GPR158: variants seen among roughly 807,000 people sequenced by gnomAD.
GPR158 encodes G protein-coupled receptor 158.
In GPR158, 30 loss-of-function variants were observed where a neutral mutation model predicts 78.2. The ratio of observed to expected loss-of-function variants is 0.38; its 90% CI spans 0.29 to 0.52. The LOEUF is 0.52. GPR158 is among the 20% of genes least tolerant of loss of function. GPR158 has a pLI of 0.83. For missense variants in GPR158, 1,463 were observed against 1,523.5 expected (o/e 0.96, Z 0.66); for synonymous variants, 581 against 591.1 (o/e 0.98, Z 0.25).
intron 2 of GPR158, among the ~76,000 whole-genome samples, chr10:25,241,273 TTTCTTTC>T (rs1735011297): frequency 2.1e-5 from 2 of 94,896 alleles, no homozygotes; most frequent in Non-Finnish European, 4.3e-5. Flanking sequence ...CTTTCTTTCC[TTTCTTTC>T]TTTCTTTTCT....
At chr10:25,591,120 G>A (rs1045285012) in intron 8 of GPR158, among the ~76,000 whole-genome samples, 1 of 152,070 alleles carries the variant, frequency 6.6e-6, no homozygotes, top group Non-Finnish European at 1.5e-5. Flanking sequence ...TAACACCTTA[G>A]TATATCACTT....
At chr10:25,334,139 A>G (rs1588805376) in intron 2 of GPR158, among the ~76,000 whole-genome samples, 1 of 152,138 alleles carries the variant, frequency 6.6e-6, no homozygotes, top group East Asian at 1.9e-4. Context: ...AAAAGTTAAA[A>G]TGGAATTTTT....
chr10:25,594,820 C>A (rs1475729728), intron 9 of GPR158, among the ~76,000 whole-genome samples: 1 of 152,038 alleles, frequency 6.6e-6, no homozygotes, highest in Non-Finnish European at 1.5e-5. Flanking sequence ...ATAGAGGAAT[C>A]TCCATAATGA....
intron 2 of GPR158, among the ~76,000 whole-genome samples, chr10:25,354,961 C>T (rs1420115634): frequency 6.6e-6 from 1 of 151,950 alleles, no homozygotes; most frequent in Non-Finnish European, 1.5e-5. Context: ...CTATTTGCTT[C>T]TTTTCTCTAG....
intron 5 of GPR158, among the ~76,000 whole-genome samples, chr10:25,531,840 G>A (rs1467706766): frequency 6.6e-6 from 1 of 152,142 alleles, no homozygotes; most frequent in Admixed American, 6.5e-5. Context: ...TCCACATGAG[G>A]GAGGAGATGG....
At chr10:25,327,085 T>A (rs544743116) in intron 2 of GPR158, among the ~76,000 whole-genome samples, 1 of 152,314 alleles carries the variant, frequency 6.6e-6, no homozygotes, top group South Asian at 2.1e-4. Context: ...AATGTCTGTA[T>A]CTACAATTCT....
At chr10:25,265,873 G>A (rs1854038673) in intron 2 of GPR158, among the ~76,000 whole-genome samples, 1 of 152,102 alleles carries the variant, frequency 6.6e-6, no homozygotes. Context: ...TCTCCATATG[G>A]ATGCTTGAGT....
At chr10:25,229,937 T>G (rs1356141626) in intron 2 of GPR158, among the ~76,000 whole-genome samples, 1 of 152,190 alleles carries the variant, frequency 6.6e-6, no homozygotes, top group Non-Finnish European at 1.5e-5. Flanking sequence ...TTTGTTTAAG[T>G]CTAAGGCTAT....
At chr10:25,341,323 C>T (rs1331395583) in intron 2 of GPR158, among the ~76,000 whole-genome samples, 1 of 151,828 alleles carries the variant, frequency 6.6e-6, no homozygotes, top group Non-Finnish European at 1.5e-5. Context: ...AATAGTAGTA[C>T]TTTAAAATAT....
chr10:25,473,727 C>T (rs1835542700), intron 5 of GPR158, among the ~76,000 whole-genome samples: 2 of 152,048 alleles, frequency 1.3e-5, no homozygotes, highest in Non-Finnish European at 1.5e-5. Context: ...TCTAGGTTTT[C>T]TAGTTTATTT....
intron 2 of GPR158, among the ~76,000 whole-genome samples, chr10:25,248,116 T>G (rs1853727055): frequency 1.3e-5 from 2 of 152,054 alleles, no homozygotes; most frequent in African/African-American, 2.4e-5. Flanking sequence ...AATGTCTTCT[T>G]TTGAGAAGTG....
At chr10:25,395,821 T>C (rs947866448) in intron 2 of GPR158, 90 bp from the exon 3 acceptor site, 5 of 567,684 alleles carry the variant, frequency 8.8e-6, no homozygotes, top group Non-Finnish European at 1.3e-5. Context: ...GTTAGTTTTC[T>C]GTTACCATTT....
At chr10:25,342,580 C>G (rs1250970184) in intron 2 of GPR158, among the ~76,000 whole-genome samples, 2 of 151,934 alleles carry the variant, frequency 1.3e-5, no homozygotes, top group Non-Finnish European at 2.9e-5. Flanking sequence ...GCTTACCACC[C>G]TGAGAGAATC....
chr10:25,195,953 G>T (rs975605730), intron 1 of GPR158, among the ~76,000 whole-genome samples: 90 of 151,972 alleles, frequency 5.9e-4, no homozygotes, highest in African/African-American at 2.1e-3. Context: ...TTATACCTTT[G>T]TAGGTAATAT....
At chr10:25,241,394 C>CTCTTCTCTTG (rs1853625509) in intron 2 of GPR158, among the ~76,000 whole-genome samples, 1 of 136,586 alleles carries the variant, frequency 7.3e-6, no homozygotes, top group Non-Finnish European at 1.5e-5. Context: ...CTCTTCTCTT[C>CTCTTCTCTTG]TCTTCTCTTC....
chr10:25,240,768 T>C (rs1055078128), intron 2 of GPR158, among the ~76,000 whole-genome samples: 5 of 152,248 alleles, frequency 3.3e-5, no homozygotes, highest in African/African-American at 9.6e-5. Context: ...TTAGTATCAA[T>C]AATTGATCAA....
rs12761958 is a variant in GPR158 at position 25,325,628 on chromosome 10, A to G, written c.1009-70283A>G. On this transcript the variant is annotated intron_variant, in intron 2 of 10. Transcript: ENST00000376351. The stretch of plus-strand genomic sequence containing the variant: ...ATTTAATTTTCTTTGGCTATATCCC[A>G]GAAGTGAGATTACTGGATCATATGC... Among the ~76,000 whole-genome samples, 1,320 of 152,304 alleles carry G rather than the reference A, an allele frequency of 8.7e-3. 9 individuals carry two copies. The highest frequency in any genetic ancestry group is 0.012 in the Non-Finnish European group (786 of 68,028).
intron 5 of GPR158, among the ~76,000 whole-genome samples, chr10:25,489,212 A>C (rs2130645107): frequency 6.6e-6 from 1 of 152,300 alleles, no homozygotes; most frequent in East Asian, 1.9e-4. Context: ...TCTATAAATT[A>C]GAGACATCTC....
At chr10:25,514,096 G>T (rs1836127611) in intron 5 of GPR158, among the ~76,000 whole-genome samples, 1 of 152,038 alleles carries the variant, frequency 6.6e-6, no homozygotes, top group Non-Finnish European at 1.5e-5. Flanking sequence ...TGATCTAAGA[G>T]CTGTCAGTGG....
Sources: allele counts gnomAD v4.1 joint callset (sites outside exome capture counted in the v4.1 genomes callset), GRCh38; gene constraint gnomAD v4.1.1; transcripts MANE v1.5; gene names NCBI Gene and HGNC (gene_info 2026-07-23, HGNC 2026-07-21).